PTPRT: variants seen among roughly 807,000 people sequenced by gnomAD.
PTPRT encodes receptor-type tyrosine-protein phosphatase T.
A neutral mutation model predicts 176.8 loss-of-function variants in PTPRT; 56 were observed. That is an observed-to-expected ratio of 0.32 (90% CI 0.26 to 0.40). The LOEUF (loss-of-function observed/expected upper bound fraction) is 0.40. Ranked by LOEUF, PTPRT falls within the 10% of genes least tolerant of loss-of-function variation. The pLI is 1.00. For missense variants in PTPRT, 1,540 were observed against 1,908.2 expected, an observed-to-expected ratio of 0.81 and a Z score of 3.60; for synonymous variants, 783 against 739.0, an observed-to-expected ratio of 1.06 and a Z score of -0.96.
the PTPRT span, among the ~76,000 whole-genome samples, chr20:42,048,683 C>T: frequency 1.3e-5 from 2 of 152,152 alleles, no homozygotes; most frequent in Non-Finnish European, 2.9e-5. Flanking sequence ...TAAGTCCTCC[C>T]AGTCATCCAG....
chr20:42,626,616 C>T (rs2074294302), intron 7 of PTPRT, among the ~76,000 whole-genome samples: 1 of 152,176 alleles, frequency 6.6e-6, no homozygotes, highest in Admixed American at 6.5e-5. Flanking sequence ...AGCTAGGCCT[C>T]TTTAGTTGCA....
chr20:42,602,000 A>G (rs1389057970), intron 7 of PTPRT, among the ~76,000 whole-genome samples: 2 of 152,200 alleles, frequency 1.3e-5, no homozygotes, highest in Non-Finnish European at 2.9e-5. Flanking sequence ...TTATGAAAAT[A>G]ATAATGAAAC....
chr20:43,096,491 C>T (rs1052809793), intron 1 of PTPRT, among the ~76,000 whole-genome samples: 5 of 152,174 alleles, frequency 3.3e-5, no homozygotes, highest in African/African-American at 9.7e-5. Context: ...AGGAGCTCTG[C>T]GCCCCATTCA....
chr20:42,594,443 G>A (rs1447118598), intron 7 of PTPRT, among the ~76,000 whole-genome samples: 1 of 152,092 alleles, frequency 6.6e-6, no homozygotes, highest in African/African-American at 2.4e-5. Flanking sequence ...TTTCTCTCGG[G>A]ACAGAAAAGA....
chr20:43,069,933 G>A (rs544835168), intron 1 of PTPRT, among the ~76,000 whole-genome samples: 2 of 152,174 alleles, frequency 1.3e-5, no homozygotes, highest in Admixed American at 6.5e-5. Context: ...CCAAGCCCAC[G>A]GGCTCCTATA....
intron 6 of PTPRT, among the ~76,000 whole-genome samples, chr20:42,698,905 A>C (rs2075928499): frequency 6.6e-6 from 1 of 152,178 alleles, no homozygotes; most frequent in Non-Finnish European, 1.5e-5. Context: ...GGCCCTTCTT[A>C]TCTGCCTCTC....
At chr20:42,791,508 A>T in intron 2 of PTPRT, 42 bp from the exon 3 acceptor site, 1 of 1,551,580 alleles carries the variant, frequency 6.4e-7, no homozygotes, top group Non-Finnish European at 8.7e-7. Flanking sequence ...GACAAAGAGA[A>T]AGTAAGAAAA....
At chr20:42,348,524 C>T (rs2058230005) in intron 11 of PTPRT, among the ~76,000 whole-genome samples, 1 of 151,986 alleles carries the variant, frequency 6.6e-6, no homozygotes. Flanking sequence ...TTGCCTGTAC[C>T]GTTTGCTGGC....
chr20:43,053,181 G>C (rs1355758124), intron 1 of PTPRT, among the ~76,000 whole-genome samples: 1 of 152,120 alleles, frequency 6.6e-6, no homozygotes, highest in Non-Finnish European at 1.5e-5. Flanking sequence ...TATTCCCTTG[G>C]CCTGAAAGTT....
At chr20:42,745,052 A>T (rs951466803) in intron 6 of PTPRT, among the ~76,000 whole-genome samples, 4 of 152,120 alleles carry the variant, frequency 2.6e-5, no homozygotes, top group Non-Finnish European at 4.4e-5. Context: ...GGAAATGGGG[A>T]GTCAGTCTGC....
At chr20:43,086,204 C>A (rs2011598530) in intron 1 of PTPRT, among the ~76,000 whole-genome samples, 1 of 152,144 alleles carries the variant, frequency 6.6e-6, no homozygotes, top group African/African-American at 2.4e-5. Context: ...CATACAAGGG[C>A]CAACCAACCC....
chr20:42,434,806 T>TTA (rs1555850415), intron 9 of PTPRT, among the ~76,000 whole-genome samples: 1 of 149,076 alleles, frequency 6.7e-6, no homozygotes, highest in Non-Finnish European at 1.5e-5. Context: ...TATTAAAAAT[T>TTA]AAAAAAAAAA....
At chr20:42,962,988 G>T (rs1306677277) in intron 1 of PTPRT, among the ~76,000 whole-genome samples, 1 of 152,058 alleles carries the variant, frequency 6.6e-6, no homozygotes, top group African/African-American at 2.4e-5. Flanking sequence ...CACGAGGTCA[G>T]AAGATCGAGA....
intron 1 of PTPRT, among the ~76,000 whole-genome samples, chr20:43,046,302 TG>T (rs1214490187): frequency 6.6e-6 from 1 of 152,080 alleles, no homozygotes; most frequent in East Asian, 1.9e-4. Context: ...CCAGGCGCGG[TG>T]GCTCGCACCT....
chr20:42,878,336 C>T (rs922110698), intron 2 of PTPRT, among the ~76,000 whole-genome samples: 1 of 152,146 alleles, frequency 6.6e-6, no homozygotes, highest in Non-Finnish European at 1.5e-5. Flanking sequence ...TAGCAAAATA[C>T]ATATTTATGC....
intron 9 of PTPRT, among the ~76,000 whole-genome samples, chr20:42,433,581 G>C (rs1216114363): frequency 1.3e-5 from 2 of 152,156 alleles, no homozygotes; most frequent in African/African-American, 2.4e-5. Context: ...GGAGGAGTCA[G>C]GGCACACACT....
chr20:42,393,791 A>T (rs1252897294), intron 9 of PTPRT, among the ~76,000 whole-genome samples: 1 of 152,188 alleles, frequency 6.6e-6, no homozygotes, highest in Non-Finnish European at 1.5e-5. Flanking sequence ...TGTAATTTTT[A>T]GTGTGCAATT....
At chr20:42,136,154 C>A (rs891946786) in intron 18 of PTPRT, among the ~76,000 whole-genome samples, 1 of 148,226 alleles carries the variant, frequency 6.7e-6, no homozygotes, top group African/African-American at 2.5e-5. Context: ...AGAGGTGGGG[C>A]TGGGGAGAGA....
intron 9 of PTPRT, among the ~76,000 whole-genome samples, chr20:42,397,491 T>C (rs1473532320): frequency 6.6e-6 from 1 of 152,198 alleles, no homozygotes; most frequent in African/African-American, 2.4e-5. Flanking sequence ...CCAGTGTCTT[T>C]GTTCCCATCT....
Sources: gnomAD v4.1 joint callset for allele counts (sites outside exome capture counted in the v4.1 genomes callset) on GRCh38, gnomAD v4.1.1 for gene constraint, MANE v1.5 for transcripts, NCBI Gene and HGNC (gene_info 2026-07-23, HGNC 2026-07-21) for gene names.